Variants in BBS2 observed in about 807,000 individuals in gnomAD.
BBS2 encodes Bardet-Biedl syndrome 2, also known as BBSome complex member BBS2.
Under a neutral mutation model 83.0 loss-of-function variants are expected in BBS2, and 62 were observed. The ratio of observed to expected loss-of-function variants is 0.75; its 90% CI spans 0.61 to 0.92. The LOEUF (loss-of-function observed/expected upper bound fraction) is 0.92, where lower values mean the gene tolerates loss of function less well. BBS2 is among the 40% of genes least tolerant of loss of function. The pLI, the probability that BBS2 is intolerant of heterozygous loss-of-function variation, is 0.00. For missense variants in BBS2, 784 were observed against 901.0 expected, an observed-to-expected ratio of 0.87 and a Z score of 1.66; for synonymous variants, 303 against 326.1, an observed-to-expected ratio of 0.93 and a Z score of 0.76.
chr16:56,476,090 G>A, intron 17 of BBS2: 1 of 1,613,940 alleles, frequency 6.2e-7, no homozygotes, highest in African/African-American at 1.3e-5. Context: ...TTGGTCTACA[G>A]AGACAGAGAG....
rs1964133123 is a variant in BBS2 at position 56,497,025 on chromosome 16, A to C, written c.1852T>G (p.Ser618Ala). ...ACCAGCAAACTTCGGATCAAATTAG[A>C]ATGATCAGCCATATCAGCACTGAGC... ...QKLSADMADH[S>A]NLIRSLLVGA... The change falls in exon 15 of 17, where the codon TCT (serine) becomes GCT (alanine). Residue 618 changes from serine to alanine, a missense_variant. Transcript: ENST00000245157. 1 of 1,613,996 alleles carries C rather than the reference A, an allele frequency of 6.2e-7. No homozygotes were observed. Among genetic ancestry groups the C allele is most frequent in the Admixed American group, 1.7e-5 (1 of 59,994 alleles).
chr16:56,518,054 T>C (rs1406094862), intron 1 of BBS2, among the ~76,000 whole-genome samples: 1 of 152,134 alleles, frequency 6.6e-6, no homozygotes, highest in Admixed American at 6.6e-5. Context: ...TGACCTCAGA[T>C]GATCTGCCTG....
chr16:56,498,892 AG>A (rs1964187194), intron 12 of BBS2: 1 of 424,052 alleles, frequency 2.4e-6, no homozygotes, highest in African/African-American at 2.1e-5. Flanking sequence ...CAAATGATTC[AG>A]GTATGATGCT....
At chr16:56,479,476 T>A, downstream of BBS2, among the ~76,000 whole-genome samples, 1 of 152,032 alleles carries the variant, frequency 6.6e-6, no homozygotes, top group Non-Finnish European at 1.5e-5. Flanking sequence ...AGAATCCGTC[T>A]CAAAAAAAAT....
intron 14 of BBS2, 65 bp from the exon 15 acceptor site, chr16:56,497,144 A>G (rs1964137327): frequency 9.6e-7 from 1 of 1,041,672 alleles, no homozygotes; most frequent in Admixed American, 1.7e-5. Context: ...AGACAAATGA[A>G]AAGACACTAT....
chr16:56,471,210 AAAT>A (rs1312546272), intron 17 of BBS2, among the ~76,000 whole-genome samples: 4 of 151,824 alleles, frequency 2.6e-5, no homozygotes, highest in Middle Eastern at 3.4e-3. Flanking sequence ...AAAAAAAAAA[AAAT>A]TTGCCAGGCA....
intron 1 of BBS2, 133 bp downstream of exon 1, chr16:56,519,613 G>A: frequency 4.3e-6 from 3 of 700,606 alleles, no homozygotes; most frequent in Non-Finnish European, 7.5e-6. Flanking sequence ...GAGCCACAAG[G>A]TGCTCGCCGA....
chr16:56,477,835 T>C (rs1043241309), intron 17 of BBS2: 2 of 152,208 alleles, frequency 1.3e-5, no homozygotes, highest in African/African-American at 4.8e-5. Context: ...ACTCTTCTCT[T>C]TCATCTCCTA....
chr16:56,475,618 A>G lies in BBS2; in HGVS notation c.*1-4923T>C, dbSNP rs1199588340. ...ATTTTTAGTTATTGAGAATGCTTTC[A>G]TTTTTCAAAGACCCAATTTTTATGA... On this transcript the variant is annotated intron_variant, in intron 17 of 17. Coordinates refer to the BBS2 transcript ENST00000682047. 1.0e-5 allele frequency: 16 copies of G among 1,546,084 alleles called. No homozygotes were observed. In the African/African-American group the frequency reaches 1.9e-4, roughly 18 times the overall value.
intron 17 of BBS2, chr16:56,477,957 A>C (rs764615489): frequency 6.6e-6 from 1 of 152,226 alleles, no homozygotes; most frequent in African/African-American, 2.4e-5. Flanking sequence ...CTAGCCAGTT[A>C]AGAAATGTTT....
At chr16:56,471,095 T>C (rs1963154481) in intron 17 of BBS2, among the ~76,000 whole-genome samples, 1 of 151,678 alleles carries the variant, frequency 6.6e-6, no homozygotes, top group Non-Finnish European at 1.5e-5. Flanking sequence ...CTTACACCTA[T>C]AATCCCAGCA....
intron 9 of BBS2, 157 bp from the exon 10 acceptor site, chr16:56,501,654 A>C: frequency 1.1e-5 from 11 of 1,011,556 alleles, no homozygotes; most frequent in Non-Finnish European, 1.5e-5. Flanking sequence ...AACTCACCTC[A>C]TTAGTGCTCC....
rs1447227184 is a variant in BBS2 at position 56,506,177 on chromosome 16, G to C, written c.660C>G (p.Ala220=). Residue 220 remains alanine (A), a synonymous_variant, in exon 6 of 17, where the codon GCC becomes GCG. Coordinates refer to ENST00000245157, the MANE Select transcript of BBS2 (RefSeq NM_031885.5). ...AAACTCCAACTGTGCCATTGGAAAG[G>C]GCATAACCAAATCGACTGCCATACA... ...CPMYGSRFGY[A]LSNGTVGVYD... is the part of the protein sequence containing the mutation. 1 of 1,613,884 alleles carries C rather than the reference G, an allele frequency of 6.2e-7. No individual in the cohort carries two copies. Among genetic ancestry groups the C allele is most frequent in the Non-Finnish European group, 8.5e-7 (1 of 1,179,980 alleles).
In BBS2 at chr16:56,484,609, C is replaced by CA; in HGVS notation, c.*151dup. 1.5e-6 allele frequency: 1 copy of CA among 670,418 alleles called. No homozygotes were observed. 41.5% of individuals were successfully genotyped at this position (670,418 alleles called of 1,614,324 possible). On this transcript the variant is annotated 3_prime_UTR_variant, in exon 17 of 17. Coordinates refer to ENST00000245157, the MANE Select transcript of BBS2 (RefSeq NM_031885.5). ...AAAATAGAAAGCAAGTCTATCTTCA[C>CA]ATGTAGTTCTTTGTCTTTAATTTGT...
chr16:56,486,850 C>T (rs1963795577), intron 15 of BBS2, among the ~76,000 whole-genome samples: 2 of 150,498 alleles, frequency 1.3e-5, no homozygotes, highest in Admixed American at 6.6e-5. Context: ...GCAACCTCCA[C>T]CTCCCAGGTT....
Position 56,500,834 on chromosome 16 carries a change from T to C in BBS2, c.1397+20A>G. On this transcript the variant is annotated intron_variant, in intron 11 of 16. Coordinates refer to ENST00000245157, the MANE Select transcript of BBS2 (RefSeq NM_031885.5). ...CTCTAAGTGCTGTCCTGAAATGAAC[T>C]GTGACTTGCAAAGGGTCACCTGCTT... The C allele has an allele frequency of 1.9e-6, 3 of 1,613,456 alleles. No individual in the cohort carries two copies. Among genetic ancestry groups the C allele is most frequent in the Non-Finnish European group, 2.5e-6 (3 of 1,179,498 alleles).
chr16:56,519,521 G>A (rs1964855935), intron 1 of BBS2: 2 of 553,300 alleles, frequency 3.6e-6, no homozygotes, highest in Non-Finnish European at 6.5e-6. Context: ...GACCTCGCCT[G>A]ACTCCAAGTG....
chr16:56,502,630 T>C (rs200257864), intron 8 of BBS2, 43 bp downstream of exon 8: 1 of 1,614,046 alleles, frequency 6.2e-7, no homozygotes, highest in Non-Finnish European at 8.5e-7. Flanking sequence ...CCCAATCAAA[T>C]GGAAAACGTG....
At chr16:56,510,685 T>C (rs568505291) in intron 4 of BBS2, among the ~76,000 whole-genome samples, 174 bp downstream of exon 4, 1 of 152,306 alleles carries the variant, frequency 6.6e-6, no homozygotes, top group East Asian at 1.9e-4. Context: ...GCACAAGTGA[T>C]TTATTGTTCA....
Sources: gnomAD v4.1 joint callset for allele counts (sites outside exome capture counted in the v4.1 genomes callset) on GRCh38, gnomAD v4.1.1 for gene constraint, MANE v1.5 for transcripts, NCBI Gene and HGNC (gene_info 2026-07-23, HGNC 2026-07-21) for gene names.